Variants in CHCHD3 observed in about 807,000 individuals in gnomAD.
CHCHD3 encodes coiled-coil-helix-coiled-coil-helix domain containing 3, also known as MICOS complex subunit MIC19.
In CHCHD3, 20 loss-of-function variants were observed where a neutral mutation model predicts 38.2. The ratio of observed to expected loss-of-function variants is 0.52; its 90% CI spans 0.37 to 0.76. The LOEUF (loss-of-function observed/expected upper bound fraction) is 0.76. Among genes scored for constraint, CHCHD3 ranks in the 30% least tolerant of loss-of-function variants. The probability of loss-of-function intolerance (pLI) is 0.00; values close to 1 mark genes in which losing one functional copy is unlikely to be tolerated. For missense variants in CHCHD3, 245 were observed against 279.2 expected, an observed-to-expected ratio of 0.88 and a Z score of 0.87; for synonymous variants, 82 against 100.0, an observed-to-expected ratio of 0.82 and a Z score of 1.07.
At chr7:132,928,833 T>C (rs10215650) in intron 4 of CHCHD3, among the ~76,000 whole-genome samples, 3,037 of 152,282 alleles carry the variant, frequency 0.02, 65 homozygotes, top group East Asian at 0.11. Context: ...CAGGTCATCC[T>C]TGCTTTTCTC....
At chr7:132,993,272 C>A (rs1394738843) in intron 3 of CHCHD3, among the ~76,000 whole-genome samples, 2 of 152,124 alleles carry the variant, frequency 1.3e-5, no homozygotes, top group South Asian at 4.2e-4. Flanking sequence ...ATAATTATCA[C>A]CTCCTCTCAA....
intron 3 of CHCHD3, among the ~76,000 whole-genome samples, chr7:133,017,266 A>C (rs1473555715): frequency 1.3e-5 from 2 of 152,240 alleles, no homozygotes; most frequent in Non-Finnish European, 2.9e-5. Flanking sequence ...CTTCAGCAAC[A>C]GACTAGGTAG....
chr7:132,959,267 A>G (rs756458429), intron 4 of CHCHD3, among the ~76,000 whole-genome samples: 6 of 152,230 alleles, frequency 3.9e-5, no homozygotes, highest in Non-Finnish European at 5.9e-5. Context: ...TTACAAATCT[A>G]GAGAAACAGC....
At chr7:132,972,490 T>G in intron 4 of CHCHD3, 1 of 775,120 alleles carries the variant, frequency 1.3e-6, no homozygotes, top group Non-Finnish European at 1.6e-6. Flanking sequence ...ATTGAGTGAT[T>G]TTAGTATCCC....
chr7:132,896,533 C>T (rs746023361), intron 4 of CHCHD3, among the ~76,000 whole-genome samples: 3 of 152,116 alleles, frequency 2.0e-5, no homozygotes, highest in Non-Finnish European at 4.4e-5. Context: ...CTGTGCTCTC[C>T]GCCCAACATC....
At chr7:133,025,950 T>C (rs1813324823) in intron 2 of CHCHD3, among the ~76,000 whole-genome samples, 1 of 152,210 alleles carries the variant, frequency 6.6e-6, no homozygotes, top group African/African-American at 2.4e-5. Flanking sequence ...AAAAGCCCTT[T>C]CAAATATTTC....
intron 5 of CHCHD3, among the ~76,000 whole-genome samples, chr7:132,879,874 T>A (rs936938644): frequency 1.3e-5 from 2 of 152,104 alleles, no homozygotes; most frequent in African/African-American, 2.4e-5. Context: ...ATAAATTTCT[T>A]ATTTCAACGT....
intron 5 of CHCHD3, among the ~76,000 whole-genome samples, chr7:132,861,671 G>A (rs1158274323): frequency 3.3e-5 from 5 of 152,182 alleles, no homozygotes; most frequent in Non-Finnish European, 7.3e-5. Flanking sequence ...CTCTGTCAAA[G>A]CTACTCAACT....
chr7:133,027,201 A>C (rs1229626794), intron 2 of CHCHD3, among the ~76,000 whole-genome samples: 1 of 151,898 alleles, frequency 6.6e-6, no homozygotes, highest in Non-Finnish European at 1.5e-5. Flanking sequence ...GACCACCCAA[A>C]GTGCTGGGAT....
chr7:132,945,133 A>C (rs1459128016), intron 4 of CHCHD3, among the ~76,000 whole-genome samples: 1 of 151,928 alleles, frequency 6.6e-6, no homozygotes, highest in East Asian at 1.9e-4. Context: ...GAAAAATATA[A>C]AGAATGCATA....
chr7:132,966,589 T>C (rs1811469833), intron 4 of CHCHD3, among the ~76,000 whole-genome samples: 1 of 152,172 alleles, frequency 6.6e-6, no homozygotes, highest in Non-Finnish European at 1.5e-5. Flanking sequence ...TAAATAATAT[T>C]GCTGTTCAAT....
intron 5 of CHCHD3, among the ~76,000 whole-genome samples, chr7:132,871,056 T>G (rs190538384): frequency 6.6e-6 from 1 of 152,204 alleles, no homozygotes; most frequent in Non-Finnish European, 1.5e-5. Flanking sequence ...TGGCAAGACT[T>G]GAAGCACAGA....
At chr7:132,916,966 G>C (rs1289177981) in intron 4 of CHCHD3, among the ~76,000 whole-genome samples, 5 of 152,184 alleles carry the variant, frequency 3.3e-5, no homozygotes, top group Non-Finnish European at 7.4e-5. Flanking sequence ...GGTACCATCT[G>C]CATTTCAGGC....
intron 4 of CHCHD3, among the ~76,000 whole-genome samples, chr7:132,974,799 C>T (rs541645317): frequency 4.0e-5 from 6 of 151,658 alleles, no homozygotes; most frequent in African/African-American, 1.2e-4. Flanking sequence ...ACTTGAACCC[C>T]GGAGGCGGAG....
At position 132,807,606 on chromosome 7, in the gene CHCHD3, AATATATATATATATATATATAT is replaced by A. The variant is rs55835343; in HGVS notation, c.525-11051_525-11030del. 2.1e-4 allele frequency among the ~76,000 whole-genome samples: 23 copies of A among 108,952 alleles called. 1 individual carries two copies. In the South Asian group the frequency reaches 2.6e-3, roughly 12 times the overall value. The allele number at this position is 108,952 out of a possible 152,430, so 71.5% of individuals were successfully genotyped here. ...CCATGTATATGCTAACATACACATAAATATATATATATATATATATATATATATATATATATATACTTGACAT... is the reference window on the plus strand; with the variant it reads ...CCATGTATATGCTAACATACACATAAATATATATATATATATACTTGACAT... On this transcript the variant is annotated intron_variant, in intron 6 of 7. Coordinates refer to ENST00000262570, the MANE Select transcript of CHCHD3 (RefSeq NM_017812.4).
intron 6 of CHCHD3, among the ~76,000 whole-genome samples, chr7:132,821,554 A>G (rs1807374425): frequency 6.6e-6 from 1 of 152,158 alleles, no homozygotes; most frequent in East Asian, 1.9e-4. Flanking sequence ...ACGAGAGAAA[A>G]TAAGCATATT....
At chr7:132,828,947 T>C (rs1414862313) in intron 6 of CHCHD3, among the ~76,000 whole-genome samples, 1 of 152,200 alleles carries the variant, frequency 6.6e-6, no homozygotes, top group Admixed American at 6.5e-5. Context: ...AAGGACAGAA[T>C]TTAAATTCTA....
At chr7:132,978,623 T>C (rs887133643) in intron 3 of CHCHD3, among the ~76,000 whole-genome samples, 2 of 152,142 alleles carry the variant, frequency 1.3e-5, no homozygotes, top group Non-Finnish European at 2.9e-5. Context: ...GGCGATGGTA[T>C]ATAAGAAACA....
intron 2 of CHCHD3, among the ~76,000 whole-genome samples, chr7:133,055,635 AATTAT>A (rs1347443428): frequency 6.7e-6 from 1 of 148,424 alleles, no homozygotes; most frequent in African/African-American, 2.4e-5. Flanking sequence ...TTATACATTT[AATTAT>A]ATTATAGTTA....
Sources: allele counts gnomAD v4.1 joint callset (sites outside exome capture counted in the v4.1 genomes callset), GRCh38; gene constraint gnomAD v4.1.1; transcripts MANE v1.5; gene names NCBI Gene and HGNC (gene_info 2026-07-23, HGNC 2026-07-21).